SDHAF4: variants seen among roughly 807,000 people sequenced by gnomAD.
The protein encoded by SDHAF4 is succinate dehydrogenase complex assembly factor 4, also known as succinate dehydrogenase assembly factor 4, mitochondrial.
SDHAF4 carries 14 observed loss-of-function variants against 14.3 expected under a neutral mutation model. That is an observed-to-expected ratio of 0.98 (90% confidence interval 0.65 to 1.53). SDHAF4 has a LOEUF of 1.53. Among genes scored for constraint, SDHAF4 ranks in the 40% most tolerant of loss-of-function variants. The pLI is 0.00. For synonymous variants in SDHAF4, 63 were observed against 47.3 expected, an observed-to-expected ratio of 1.33 and a Z score of -1.36; for missense variants, 141 against 129.3, an observed-to-expected ratio of 1.09 and a Z score of -0.44.
chr6:70,583,339 C>T (rs972365306), intron 2 of SDHAF4, among the ~76,000 whole-genome samples: 3 of 152,208 alleles, frequency 2.0e-5, no homozygotes, highest in Admixed American at 2.0e-4. Context: ...TCTCGAACTC[C>T]TGACCTCAGG....
Position 70,579,418 on chromosome 6 carries a change from A to G in SDHAF4, c.69A>G (p.Ser23=), listed in dbSNP as rs1562057140. The G allele has an allele frequency of 6.3e-7, 1 of 1,585,300 alleles. No homozygotes were observed. The highest frequency in any genetic ancestry group is 2.3e-5 in the East Asian group (1 of 43,678). ...VSATAWRAAR[S]PLLCHSLRKT... is the part of the protein sequence containing the mutation. ...CTATTATCTCCACTCTTCTAGGATC[A>G]CCCCTTCTGTGTCATTCTCTGAGGA... is the stretch of plus-strand genomic sequence containing the variant. Residue 23 remains serine, a synonymous_variant, in exon 2 of 3, where the codon TCA becomes TCG. Coordinates refer to ENST00000370474, the MANE Select transcript of SDHAF4 (RefSeq NM_145267.3).
downstream of SDHAF4, among the ~76,000 whole-genome samples, chr6:70,590,863 C>G (rs1765251650): frequency 6.6e-6 from 1 of 152,146 alleles, no homozygotes; most frequent in African/African-American, 2.4e-5. Context: ...CATCTGCAAG[C>G]TGAACACCTG....
chr6:70,572,889 A>G (rs1046960717), intron 1 of SDHAF4, among the ~76,000 whole-genome samples: 3 of 152,140 alleles, frequency 2.0e-5, no homozygotes, highest in Non-Finnish European at 4.4e-5. Flanking sequence ...AAAGATTTTG[A>G]TTTTGATAAA....
At chr6:70,568,760 G>T (rs1432094567) in intron 1 of SDHAF4, among the ~76,000 whole-genome samples, 6 of 151,912 alleles carry the variant, frequency 3.9e-5, no homozygotes, top group African/African-American at 1.5e-4. Context: ...TAATTCTATA[G>T]CAATTTTCAC....
intron 1 of SDHAF4, among the ~76,000 whole-genome samples, chr6:70,574,110 C>A (rs923594342): frequency 6.6e-6 from 1 of 151,894 alleles, no homozygotes; most frequent in African/African-American, 2.4e-5. Context: ...CACCTGAGGT[C>A]AGGTGTTCAA....
At chr6:70,591,539 C>G (rs1430157161), downstream of SDHAF4, among the ~76,000 whole-genome samples, 2 of 151,846 alleles carry the variant, frequency 1.3e-5, no homozygotes, top group Non-Finnish European at 2.9e-5. Context: ...TCGTGTTAGC[C>G]AGGATAGTCT....
chr6:70,590,228 A>G (rs1445014527), downstream of SDHAF4, among the ~76,000 whole-genome samples: 1 of 96,224 alleles, frequency 1.0e-5, no homozygotes, highest in East Asian at 3.3e-4. Context: ...ACAGAGCAAG[A>G]CCCTGTCTCA....
chr6:70,598,279 C>T, the SDHAF4 span, among the ~76,000 whole-genome samples: 2 of 151,944 alleles, frequency 1.3e-5, no homozygotes, highest in East Asian at 1.9e-4. Context: ...CTTGGGAGGC[C>T]GAAGCAGGAG....
chr6:70,572,314 G>T (rs1205223157), intron 1 of SDHAF4, among the ~76,000 whole-genome samples: 1 of 151,654 alleles, frequency 6.6e-6, no homozygotes, highest in African/African-American at 2.4e-5. Context: ...ACCAACCTTT[G>T]TTTATTGTTG....
At chr6:70,573,634 T>G (rs1802214687) in intron 1 of SDHAF4, among the ~76,000 whole-genome samples, 1 of 151,774 alleles carries the variant, frequency 6.6e-6, no homozygotes, top group South Asian at 2.1e-4. Flanking sequence ...TTCTTTTTTT[T>G]GGCCTAATTT....
chr6:70,579,939 TTATA>T (rs1208681857), intron 2 of SDHAF4, among the ~76,000 whole-genome samples: 3 of 152,130 alleles, frequency 2.0e-5, no homozygotes, highest in Non-Finnish European at 4.4e-5. Flanking sequence ...TATAACCACT[TTATA>T]TATGTAATGT....
At chr6:70,595,888 C>T in the SDHAF4 span, among the ~76,000 whole-genome samples, 3,208 of 151,006 alleles carry the variant, frequency 0.021, 104 homozygotes, top group African/African-American at 0.07. Context: ...GTTAAATTTT[C>T]GTTGTATAGT....
rs776608369 is a variant in SDHAF4, at chr6:70,588,603, C to T, written c.218-12C>T. ...TCCATTAACTGCTTTATTTATATCT[C>T]GTTTTCCTTAGAATTTCCAGATGAT... On this transcript the variant is annotated splice_polypyrimidine_tract_variant and intron_variant, in intron 2 of 2. Transcript: ENST00000370474. The T allele has an allele frequency of 6.7e-6, 10 of 1,481,512 alleles. No homozygotes were observed. Among genetic ancestry groups the T allele is most frequent in the Admixed American group, 1.7e-5 (1 of 57,500 alleles). 91.8% of individuals were successfully genotyped at this position (1,481,512 alleles called of 1,614,324 possible). A position where few individuals can be genotyped will look rare whatever the true frequency, so the allele number is the denominator to read the frequency against.
At chr6:70,593,324 G>A (rs958984991), downstream of SDHAF4, among the ~76,000 whole-genome samples, 1 of 152,208 alleles carries the variant, frequency 6.6e-6, no homozygotes, top group Non-Finnish European at 1.5e-5. Flanking sequence ...GACAGCTTGT[G>A]GGCCCACGCA....
At chr6:70,584,014 T>C (rs1300761996) in intron 2 of SDHAF4, among the ~76,000 whole-genome samples, 1 of 94,396 alleles carries the variant, frequency 1.1e-5, no homozygotes, top group Non-Finnish European at 2.2e-5. Flanking sequence ...TTGAGTGAGG[T>C]TGTTGTTGTT....
intron 1 of SDHAF4, among the ~76,000 whole-genome samples, chr6:70,572,915 A>G (rs1802203335): frequency 1.3e-5 from 2 of 152,196 alleles, no homozygotes; most frequent in South Asian, 4.1e-4. Flanking sequence ...AGACTTTTGT[A>G]TAGTCAGTAT....
intron 1 of SDHAF4, among the ~76,000 whole-genome samples, chr6:70,571,194 G>A (rs192635162): frequency 5.9e-5 from 9 of 152,052 alleles, no homozygotes; most frequent in African/African-American, 1.9e-4. Context: ...GGTGTTCTTC[G>A]TCTTACTGAG....
chr6:70,572,369 A>G, intron 1 of SDHAF4, among the ~76,000 whole-genome samples: 1 of 152,298 alleles, frequency 6.6e-6, no homozygotes, highest in South Asian at 2.1e-4. Flanking sequence ...ATTGTACAAC[A>G]TGGTGACTAT....
downstream of SDHAF4, among the ~76,000 whole-genome samples, chr6:70,591,885 C>T (rs1465514620): frequency 6.6e-6 from 1 of 152,172 alleles, no homozygotes; most frequent in African/African-American, 2.4e-5. Flanking sequence ...TTGGCCTTTA[C>T]GAGGGCAGAG....
Sources: allele counts gnomAD v4.1 joint callset (sites outside exome capture counted in the v4.1 genomes callset), GRCh38; gene constraint gnomAD v4.1.1; transcripts MANE v1.5; gene names NCBI Gene and HGNC (gene_info 2026-07-23, HGNC 2026-07-21).